Variants in COA8 observed in about 807,000 individuals in gnomAD.
The protein encoded by COA8 is UPF0671 protein C14orf153.
In COA8, 20 loss-of-function variants were observed where a neutral mutation model predicts 22.0. The ratio of observed to expected loss-of-function variants is 0.91; its 90% CI spans 0.64 to 1.32. The LOEUF (loss-of-function observed/expected upper bound fraction) is 1.32. Among genes scored for constraint, COA8 ranks in the 40% most tolerant of loss-of-function variants. The pLI is 0.00. For missense variants in COA8, 266 were observed against 230.0 expected, an observed-to-expected ratio of 1.16 and a Z score of -1.01; for synonymous variants, 105 against 79.9, an observed-to-expected ratio of 1.31 and a Z score of -1.68.
intron 1 of COA8, among the ~76,000 whole-genome samples, chr14:103,568,450 CACATACATACATACAT>C (rs540646177): frequency 5.6e-4 from 85 of 151,904 alleles, no homozygotes; most frequent in Non-Finnish European, 1.1e-3. Flanking sequence ...TATATACACA[CACATACATACATACAT>C]ACACACACAC....
intron 3 of COA8, among the ~76,000 whole-genome samples, chr14:103,575,767 T>C (rs1443301137): frequency 6.6e-6 from 1 of 152,118 alleles, no homozygotes; most frequent in Non-Finnish European, 1.5e-5. Context: ...TGGCACCATC[T>C]AGGCTTACTG....
rs2076265648 is a variant in COA8 at position 103,581,296 on chromosome 14, A to G, written c.386-5978A>G. Among the ~76,000 whole-genome samples the G allele has an allele frequency of 6.6e-6, 1 of 152,158 alleles. No homozygotes were observed. Among genetic ancestry groups the G allele is most frequent in the Non-Finnish European group, 1.5e-5 (1 of 68,022 alleles). Reference sequence around the variant, plus strand: ...GTGTAACAATATGCCAGCATCTCTAATCTTGTATTTTGCAACCATTACCAA... The same window carrying G: ...GTGTAACAATATGCCAGCATCTCTAGTCTTGTATTTTGCAACCATTACCAA... On this transcript the variant is annotated intron_variant, in intron 3 of 4. Coordinates refer to ENST00000409074, the MANE Select transcript of COA8 (RefSeq NM_001370595.2). The surrounding 1 kb of genome is among the most constrained non-coding windows in gnomAD (Gnocchi z 4.1).
At chr14:103,568,621 G>GTCTATATATATA (rs1232366571) in intron 1 of COA8, among the ~76,000 whole-genome samples, 1 of 141,854 alleles carries the variant, frequency 7.0e-6, no homozygotes, top group African/African-American at 2.7e-5. Flanking sequence ...ATGTGTGTGT[G>GTCTATATATATA]TATATATATA....
intron 4 of COA8, among the ~76,000 whole-genome samples, chr14:103,588,480 A>AAAAT (rs1555414271): frequency 2.7e-3 from 382 of 143,898 alleles, no homozygotes; most frequent in African/African-American, 9.0e-3. Context: ...TAATTAAAAA[A>AAAAT]ATATATATAT....
chr14:103,571,531 C>T (rs779942262), intron 1 of COA8, 92 bp from the exon 2 acceptor site: 72 of 1,284,470 alleles, frequency 5.6e-5, no homozygotes, highest in Non-Finnish European at 7.1e-5. Flanking sequence ...AGCGAGACTC[C>T]GTCTCTAAGT....
At chr14:103,580,486 T>C (rs2076259652) in intron 3 of COA8, among the ~76,000 whole-genome samples, 2 of 151,338 alleles carry the variant, frequency 1.3e-5, no homozygotes, top group Admixed American at 1.3e-4. Context: ...TTTTGTTTTT[T>C]GTTTTTTGTG....
chr14:103,576,054 T>C (rs1241467404), intron 3 of COA8, among the ~76,000 whole-genome samples: 1 of 149,044 alleles, frequency 6.7e-6, no homozygotes, highest in Non-Finnish European at 1.5e-5. Context: ...ACGCCTGTAA[T>C]CCCAGCACTT....
intron 4 of COA8, among the ~76,000 whole-genome samples, chr14:103,589,769 C>T (rs1386936047): frequency 6.6e-6 from 1 of 151,822 alleles, no homozygotes; most frequent in Non-Finnish European, 1.5e-5. Context: ...AAAAAATTAG[C>T]CGGGTGTGGT....
chr14:103,573,451 A>G (rs2076203998), intron 2 of COA8, among the ~76,000 whole-genome samples: 1 of 151,976 alleles, frequency 6.6e-6, no homozygotes, highest in South Asian at 2.1e-4. Flanking sequence ...GATTACAGGC[A>G]TGAGCCATCG....
intron 4 of COA8, 40 bp downstream of exon 4, chr14:103,587,404 T>A: frequency 1.4e-6 from 2 of 1,410,882 alleles, no homozygotes; most frequent in Non-Finnish European, 2.0e-6. Flanking sequence ...GAATAGCACA[T>A]CCAGATTAGG....
chr14:103,569,061 G>T (rs933704002), intron 1 of COA8, among the ~76,000 whole-genome samples: 6 of 152,168 alleles, frequency 3.9e-5, no homozygotes, highest in African/African-American at 1.4e-4. Flanking sequence ...TGCTTCTCAG[G>T]AGACTGTGAG....
chr14:103,585,479 CA>C (rs60226654), intron 3 of COA8, among the ~76,000 whole-genome samples: 48,073 of 131,180 alleles, frequency 0.37, 8,229 homozygotes, highest in African/African-American at 0.45. Flanking sequence ...AACTCCGTCT[CA>C]AAAAAAAAAA....
intron 3 of COA8, among the ~76,000 whole-genome samples, chr14:103,586,915 G>A (rs1395294311): frequency 1.3e-5 from 2 of 151,880 alleles, no homozygotes; most frequent in Non-Finnish European, 2.9e-5. Context: ...TGTTGGCCAC[G>A]CTGGTCATGA....
chr14:103,589,416 CA>C (rs1328775595), intron 4 of COA8, among the ~76,000 whole-genome samples: 2 of 152,114 alleles, frequency 1.3e-5, no homozygotes. Flanking sequence ...CGTGGCCCAT[CA>C]CATCCCTAAA....
At chr14:103,569,902 G>A (rs1440573615) in intron 1 of COA8, among the ~76,000 whole-genome samples, 2 of 152,222 alleles carry the variant, frequency 1.3e-5, no homozygotes. Context: ...TGTCGCCCAG[G>A]CTGGAATGCA....
Position 103,582,737 on chromosome 14 carries a change from C to CTTTTTTTTTT in COA8, c.386-4530_386-4521dup, listed in dbSNP as rs61102383. Among the ~76,000 whole-genome samples the CTTTTTTTTTT allele has an allele frequency of 3.6e-4, 44 of 120,922 alleles. 4 individuals are homozygous for CTTTTTTTTTT. The highest frequency in any genetic ancestry group is 9.1e-4 in the African/African-American group (27 of 29,652). The allele number at this position is 120,922 out of a possible 152,430, so 79.3% of individuals were successfully genotyped here. ...TCACATACCATAAAATTCACCCTGC[C>CTTTTTTTTTT]TTTTTTTTTTTTTTTTGAGATGGAG... On this transcript the variant is annotated intron_variant, in intron 3 of 4. Transcript: ENST00000409074.
At chr14:103,568,611 ATG>A (rs200970154) in intron 1 of COA8, among the ~76,000 whole-genome samples, 3 of 90,636 alleles carry the variant, frequency 3.3e-5, no homozygotes, top group Non-Finnish European at 4.5e-5. Context: ...GTATATATAT[ATG>A]TGTGTGTGTA....
At chr14:103,571,214 A>G (rs1214951188) in intron 1 of COA8, among the ~76,000 whole-genome samples, 1 of 151,752 alleles carries the variant, frequency 6.6e-6, no homozygotes, top group Non-Finnish European at 1.5e-5. Context: ...AAAAAATACA[A>G]AAAAATTAGC....
At chr14:103,574,234 G>A (rs2076213845) in intron 3 of COA8, 64 bp downstream of exon 3, 1 of 1,602,100 alleles carries the variant, frequency 6.2e-7, no homozygotes, top group African/African-American at 1.3e-5. Flanking sequence ...CATGAAAAGG[G>A]AAAGGAAGGG....
Sources: gnomAD v4.1 joint callset for allele counts (sites outside exome capture counted in the v4.1 genomes callset) on GRCh38, gnomAD v4.1.1 for gene constraint, Gnocchi (gnomAD v3.1) non-coding constraint, MANE v1.5 for transcripts, NCBI Gene and HGNC (gene_info 2026-07-23, HGNC 2026-07-21) for gene names.